Variants in RABGEF1 observed in about 807,000 individuals in gnomAD.
RABGEF1 encodes the protein RAB guanine nucleotide exchange factor 1, also known as rab5 GDP/GTP exchange factor.
Under a neutral mutation model 57.3 loss-of-function variants are expected in RABGEF1, and 26 were observed. The observed-to-expected ratio is 0.45, with a 90% CI of 0.33 to 0.63. The LOEUF (loss-of-function observed/expected upper bound fraction) is 0.63, where lower values mean the gene tolerates loss of function less well. Among genes scored for constraint, RABGEF1 ranks in the 20% least tolerant of loss-of-function variants. The probability of loss-of-function intolerance (pLI) is 0.02; values close to 1 mark genes in which losing one functional copy is unlikely to be tolerated. For missense variants in RABGEF1, 464 were observed against 607.6 expected, an observed-to-expected ratio of 0.76 and a Z score of 2.48; for synonymous variants, 185 against 210.7, an observed-to-expected ratio of 0.88 and a Z score of 1.06.
chr7:66,658,607 A>T, the RABGEF1 span, among the ~76,000 whole-genome samples: 1 of 152,194 alleles, frequency 6.6e-6, no homozygotes, highest in Non-Finnish European at 1.5e-5. Flanking sequence ...TTACCAATAA[A>T]ATCTTCCCAA....
At position 66,753,984 on chromosome 7, in the gene RABGEF1, C is replaced by T. The variant is rs1367561637; in HGVS notation, c.-18+13192C>T. Among the ~76,000 whole-genome samples, 3 of 149,484 alleles carry T rather than the reference C, an allele frequency of 2.0e-5. No individual in the cohort carries two copies. The Admixed American group carries it at 2.0e-4, about 10-fold the overall frequency. ...CCTCCCAAAGTGCTGGGATTACAGG[C>T]ATGAGCCAACGTACTAGGCCATTTT... On this transcript the variant is annotated intron_variant, in intron 1 of 8. Transcript: ENST00000284957.
the RABGEF1 span, among the ~76,000 whole-genome samples, chr7:66,674,017 A>G: frequency 6.6e-6 from 1 of 152,270 alleles, no homozygotes; most frequent in Non-Finnish European, 1.5e-5. Flanking sequence ...CCTGCTCTGC[A>G]TAGCTACAGA....
intron 2 of RABGEF1, among the ~76,000 whole-genome samples, chr7:66,727,729 A>G (rs1037883292): frequency 7.2e-5 from 11 of 152,198 alleles, no homozygotes; most frequent in Admixed American, 2.6e-4. Flanking sequence ...AAGTGGGCAC[A>G]CCTGGGGAAC....
At chr7:66,705,476 A>AGAGAGAGAGAGAGAGG (rs1164348462) in intron 1 of RABGEF1, among the ~76,000 whole-genome samples, 2 of 140,594 alleles carry the variant, frequency 1.4e-5, no homozygotes, top group Admixed American at 1.4e-4. Flanking sequence ...AGAGAGAGAG[A>AGAGAGAGAGAGAGAGG]GAGAGAGAGA....
intron 1 of RABGEF1, among the ~76,000 whole-genome samples, chr7:66,754,354 C>T (rs1439813201): frequency 2.0e-5 from 3 of 151,180 alleles, no homozygotes; most frequent in African/African-American, 7.3e-5. Context: ...TGCTAGGTGG[C>T]AGGTTTTTTC....
chr7:66,736,278 T>G (rs1289071143), upstream of RABGEF1, among the ~76,000 whole-genome samples: 1 of 152,082 alleles, frequency 6.6e-6, no homozygotes, highest in Non-Finnish European at 1.5e-5. Context: ...CAGAAAATAC[T>G]GAGAGAGGAG....
At chr7:66,777,904 A>G (rs1394366285) in intron 3 of RABGEF1, among the ~76,000 whole-genome samples, 2 of 152,152 alleles carry the variant, frequency 1.3e-5, no homozygotes, top group South Asian at 4.1e-4. Flanking sequence ...ATCTTTTTGA[A>G]TGATAGATTT....
At chr7:66,698,485 G>A (rs1300774558) in intron 1 of RABGEF1, among the ~76,000 whole-genome samples, 4 of 152,232 alleles carry the variant, frequency 2.6e-5, no homozygotes, top group South Asian at 2.1e-4. Context: ...TAGGTCAGGC[G>A]CAAACAGTTC....
At chr7:66,746,849 A>G (rs1479702631) in intron 1 of RABGEF1, among the ~76,000 whole-genome samples, 2 of 151,562 alleles carry the variant, frequency 1.3e-5, no homozygotes, top group African/African-American at 4.8e-5. Context: ...CTGGAGTGCA[A>G]TAGTGCGATC....
Position 66,777,968 on chromosome 7 carries a change from G to T in RABGEF1, c.346+2575G>T, listed in dbSNP as rs188091385. ...CTTTTTGTCTGTAGAAAGCTTTGGG[G>T]ATAAAGACCTTAAAGTATTTTAAAA... On this transcript the variant is annotated intron_variant, in intron 3 of 8. Coordinates refer to ENST00000284957, the MANE Select transcript of RABGEF1 (RefSeq NM_014504.3). Among the ~76,000 whole-genome samples the T allele has an allele frequency of 4.0e-3, 607 of 152,220 alleles. 3 individuals carry two copies. Among genetic ancestry groups the T allele is most frequent in the African/African-American group, 0.014 (571 of 41,534 alleles).
At chr7:66,678,829 A>G (rs925511054), upstream of RABGEF1, among the ~76,000 whole-genome samples, 1 of 152,220 alleles carries the variant, frequency 6.6e-6, no homozygotes, top group Non-Finnish European at 1.5e-5. Flanking sequence ...CTAGATTAAC[A>G]GTCATTTTAA....
At chr7:66,789,118 C>T (rs1811943336) in intron 4 of RABGEF1, among the ~76,000 whole-genome samples, 2 of 152,182 alleles carry the variant, frequency 1.3e-5, no homozygotes, top group Admixed American at 6.5e-5. Flanking sequence ...TCCTCCTATA[C>T]CTTAAAATGA....
At chr7:66,687,110 C>T (rs1338063163) in intron 1 of RABGEF1, among the ~76,000 whole-genome samples, 48 of 143,626 alleles carry the variant, frequency 3.3e-4, no homozygotes, top group African/African-American at 1.1e-3. Context: ...CCACCACGCC[C>T]GGCTTTTTTT....
intron 5 of RABGEF1, among the ~76,000 whole-genome samples, chr7:66,795,993 G>T (rs779157835): frequency 3.9e-5 from 6 of 152,108 alleles, no homozygotes; most frequent in African/African-American, 9.7e-5. Context: ...ACAAAAAGTA[G>T]CCGGGTGTTG....
At chr7:66,666,477 C>G in the RABGEF1 span, among the ~76,000 whole-genome samples, 3 of 152,152 alleles carry the variant, frequency 2.0e-5, no homozygotes, top group African/African-American at 7.2e-5. Context: ...GTGAGCCAGG[C>G]GGGCCCTAGG....
At chr7:66,754,976 A>G (rs1210907909) in intron 1 of RABGEF1, among the ~76,000 whole-genome samples, 1 of 152,020 alleles carries the variant, frequency 6.6e-6, no homozygotes, top group Non-Finnish European at 1.5e-5. Flanking sequence ...GGAGTTCGAG[A>G]CCAGCCTGGG....
At position 66,783,725 on chromosome 7, in the gene RABGEF1, A is replaced by T. The variant is rs150789795; in HGVS notation, c.397A>T (p.Ile133Phe). ...TCCTTCCATAAACCGGCAAACCAGC[A>T]TTGAAACGGATAGAGTGTCTAAGGA... ...PSPSINRQTS[I>F]ETDRVSKEFI... Residue 133 changes from isoleucine to phenylalanine, a missense_variant, in exon 4 of 9, where the codon ATT becomes TTT. Ile to Phe is a conservative substitution (Grantham distance 21). This residue lies in a region of RABGEF1 where 284 missense variants were observed against 389.9 expected (regional missense o/e 0.73). Transcript: ENST00000284957. 1.2e-6 allele frequency: 2 copies of T among 1,612,880 alleles called. No homozygotes were observed. Among genetic ancestry groups the T allele is most frequent in the Non-Finnish European group, 1.7e-6 (2 of 1,179,340 alleles).
chr7:66,677,300 G>C (rs576986646), upstream of RABGEF1, among the ~76,000 whole-genome samples: 1 of 152,184 alleles, frequency 6.6e-6, no homozygotes, highest in South Asian at 2.1e-4. Context: ...ATACTCAATG[G>C]TGAAAAACTA....
intron 1 of RABGEF1, among the ~76,000 whole-genome samples, chr7:66,749,842 T>C (rs985469855): frequency 2.6e-5 from 4 of 152,080 alleles, no homozygotes; most frequent in Admixed American, 1.3e-4. Flanking sequence ...GGTGTGATGG[T>C]GGGCGCCTGT....
Sources: allele counts gnomAD v4.1 joint callset (sites outside exome capture counted in the v4.1 genomes callset), GRCh38; gene constraint gnomAD v4.1.1; regional missense constraint gnomAD v4.1.1; transcripts MANE v1.5; gene names NCBI Gene and HGNC (gene_info 2026-07-23, HGNC 2026-07-21).